PLEKHG1: variants seen among roughly 807,000 people sequenced by gnomAD.
PLEKHG1 encodes the protein pleckstrin homology and RhoGEF domain containing G1, also known as pleckstrin homology domain-containing family G member 1.
PLEKHG1 carries 44 observed loss-of-function variants against 100.8 expected under a neutral mutation model. The observed-to-expected ratio is 0.44, with a 90% CI of 0.34 to 0.56. PLEKHG1 has a LOEUF of 0.56. PLEKHG1 is among the 20% of genes least tolerant of loss of function. PLEKHG1 has a pLI of 0.01. For missense variants in PLEKHG1, 1,545 were observed against 1,720.9 expected, an observed-to-expected ratio of 0.90 and a Z score of 1.81; for synonymous variants, 640 against 662.5, an observed-to-expected ratio of 0.97 and a Z score of 0.52.
chr6:150,630,624 A>T (rs1200180046), intron 1 of PLEKHG1, among the ~76,000 whole-genome samples: 1 of 152,218 alleles, frequency 6.6e-6, no homozygotes, highest in Non-Finnish European at 1.5e-5. Context: ...GGTCTGAAAG[A>T]TGCATCTCAA....
chr6:150,679,657 G>A (rs1335787500), intron 3 of PLEKHG1, among the ~76,000 whole-genome samples: 11 of 152,228 alleles, frequency 7.2e-5, no homozygotes, highest in Admixed American at 7.2e-4. Flanking sequence ...CATTCGTTGA[G>A]TATGTACTCT....
At chr6:150,691,991 G>A (rs553395767) in intron 3 of PLEKHG1, among the ~76,000 whole-genome samples, 59 of 152,314 alleles carry the variant, frequency 3.9e-4, no homozygotes, top group Non-Finnish European at 6.9e-4. Context: ...TTCCTGTCCC[G>A]CTGGGACATG....
chr6:150,830,599 A>C, exon 15 of PLEKHG1: 2 of 1,594,866 alleles, frequency 1.3e-6, no homozygotes, highest in Non-Finnish European at 1.7e-6. Context: ...GAGAGGAAGG[A>C]TCTCCCCAGC....
At chr6:150,779,349 T>TTTTTTTTTTTTG (rs1562511421) in intron 3 of PLEKHG1, among the ~76,000 whole-genome samples, 8 of 144,954 alleles carry the variant, frequency 5.5e-5, no homozygotes, top group East Asian at 2.0e-4. Flanking sequence ...AAGAAGTTTT[T>TTTTTTTTTTTTG]TTTTTTTTTT....
At chr6:150,694,465 C>T (rs949192956) in intron 3 of PLEKHG1, among the ~76,000 whole-genome samples, 5 of 151,786 alleles carry the variant, frequency 3.3e-5, no homozygotes, top group African/African-American at 4.8e-5. Context: ...TTTGGGAGGC[C>T]GAGGTGGCTG....
chr6:150,832,187 C>A, exon 15 of PLEKHG1: 1 of 1,598,038 alleles, frequency 6.3e-7, no homozygotes, highest in South Asian at 1.1e-5. Context: ...AGAGAAGAAG[C>A]AAGGAGGGCC....
At chr6:150,756,265 T>C (rs1224247237) in intron 2 of PLEKHG1, among the ~76,000 whole-genome samples, 1 of 152,196 alleles carries the variant, frequency 6.6e-6, no homozygotes, top group Non-Finnish European at 1.5e-5. Context: ...CAGCTCCATC[T>C]GCACGGTGCC....
intron 12 of PLEKHG1, among the ~76,000 whole-genome samples, chr6:150,820,813 C>A (rs967954438): frequency 6.6e-6 from 1 of 152,042 alleles, no homozygotes; most frequent in Non-Finnish European, 1.5e-5. Flanking sequence ...TGCAAGGAGC[C>A]GAGATCGTAC....
intron 1 of PLEKHG1, among the ~76,000 whole-genome samples, chr6:150,620,222 T>C (rs1157018551): frequency 6.6e-6 from 1 of 152,206 alleles, no homozygotes; most frequent in Non-Finnish European, 1.5e-5. Flanking sequence ...AACAACAATT[T>C]CGGTTTGATT....
chr6:150,724,564 T>C (rs9478799), intron 1 of PLEKHG1, among the ~76,000 whole-genome samples: 1 of 146,480 alleles, frequency 6.8e-6, no homozygotes, highest in East Asian at 2.0e-4. Context: ...TTTTCTTTTT[T>C]TTTTTTTTTT....
At chr6:150,781,529 A>T (rs1029818956) in intron 3 of PLEKHG1, among the ~76,000 whole-genome samples, 9 of 151,964 alleles carry the variant, frequency 5.9e-5, no homozygotes, top group African/African-American at 2.2e-4. Flanking sequence ...AAGAAAAGAA[A>T]ATCAGTAAGA....
chr6:150,613,054 T>C (rs1326441553), intron 1 of PLEKHG1, among the ~76,000 whole-genome samples: 1 of 152,170 alleles, frequency 6.6e-6, no homozygotes, highest in Non-Finnish European at 1.5e-5. Context: ...GCTGTCTTGC[T>C]CTTTCTGATC....
At chr6:150,644,836 C>G (rs1778425344) in intron 2 of PLEKHG1, among the ~76,000 whole-genome samples, 1 of 152,064 alleles carries the variant, frequency 6.6e-6, no homozygotes, top group African/African-American at 2.4e-5. Context: ...ATTTTAACAT[C>G]ACTGGAAGTT....
chr6:150,751,313 A>G (rs1232841354), intron 2 of PLEKHG1, among the ~76,000 whole-genome samples: 1 of 151,610 alleles, frequency 6.6e-6, no homozygotes, highest in Non-Finnish European at 1.5e-5. Flanking sequence ...GCTGAGTCAA[A>G]TTGGAGTTAA....
rs142712208 is a variant in PLEKHG1 at position 150,705,210 on chromosome 6, G to A, written c.-98-28374G>A. On this transcript the variant is annotated intron_variant, in intron 3 of 3. Coordinates refer to the PLEKHG1 transcript ENST00000367326. ...ATTATGATAATTGATGTATTAAAAT[G>A]TCTAAATAGATTAAAATCTCTAAGT... 3.5e-3 allele frequency among the ~76,000 whole-genome samples: 527 copies of A among 152,318 alleles called. 3 individuals carry two copies. The highest frequency in any genetic ancestry group is 0.012 in the African/African-American group (501 of 41,572).
At chr6:150,808,998 C>T in intron 7 of PLEKHG1, 107 bp from the exon 9 acceptor site, 1 of 871,822 alleles carries the variant, frequency 1.1e-6, no homozygotes, top group South Asian at 1.7e-5. Context: ...GTTAGACCCC[C>T]TCAGGGACGA....
intron 4 of PLEKHG1, among the ~76,000 whole-genome samples, chr6:150,790,461 G>A (rs1376975340): frequency 6.6e-6 from 1 of 152,204 alleles, no homozygotes; most frequent in East Asian, 1.9e-4. Flanking sequence ...ACTCATAACT[G>A]TAGGAAAAGA....
intron 4 of PLEKHG1, among the ~76,000 whole-genome samples, chr6:150,793,149 T>C (rs1303566463): frequency 6.6e-6 from 1 of 152,106 alleles, no homozygotes; most frequent in Non-Finnish European, 1.5e-5. Context: ...ATCCATGTAA[T>C]CTCCTACACT....
At chr6:150,610,725 T>C (rs1020230174) in intron 1 of PLEKHG1, among the ~76,000 whole-genome samples, 2 of 152,184 alleles carry the variant, frequency 1.3e-5, no homozygotes, top group Non-Finnish European at 2.9e-5. Context: ...CTTTAGAAAT[T>C]GTTTTTGTTT....
Sources: gnomAD v4.1 joint callset for allele counts (sites outside exome capture counted in the v4.1 genomes callset) on GRCh38, gnomAD v4.1.1 for gene constraint, MANE v1.5 for transcripts, NCBI Gene and HGNC (gene_info 2026-07-23, HGNC 2026-07-21) for gene names.